CHLSN: variants seen among roughly 807,000 people sequenced by gnomAD.
The protein encoded by CHLSN is protein cholesin.
At chr7:1,131,296 C>A in the CHLSN span, among the ~76,000 whole-genome samples, 1 of 151,848 alleles carries the variant, frequency 6.6e-6, no homozygotes, top group African/African-American at 2.4e-5. Flanking sequence ...GCATTGAGCC[C>A]ACCTAGGGCC....
chr7:978,915 G>A, the CHLSN span, among the ~76,000 whole-genome samples: 5 of 152,248 alleles, frequency 3.3e-5, no homozygotes, highest in Non-Finnish European at 7.3e-5. Flanking sequence ...ACTCACGATG[G>A]CACACGTGGC....
chr7:1,112,104 C>G, the CHLSN span, among the ~76,000 whole-genome samples: 1 of 152,192 alleles, frequency 6.6e-6, no homozygotes, highest in Non-Finnish European at 1.5e-5. Context: ...AGAAGCAGCG[C>G]TGGCAAACAT....
the CHLSN span, among the ~76,000 whole-genome samples, chr7:1,071,788 G>A: frequency 6.6e-6 from 1 of 152,232 alleles, no homozygotes; most frequent in East Asian, 1.9e-4. Flanking sequence ...GGAATGGCAT[G>A]CCTGCGGGCG....
At chr7:1,026,481 G>A in the CHLSN span, 1 of 152,230 alleles carries the variant, frequency 6.6e-6, no homozygotes, top group Non-Finnish European at 1.5e-5. Context: ...GGAAGCCACC[G>A]CTAACTAGCA....
the CHLSN span, among the ~76,000 whole-genome samples, chr7:1,020,716 G>T: frequency 1.3e-5 from 2 of 152,314 alleles, no homozygotes; most frequent in South Asian, 4.1e-4. Context: ...GTTCACCTCT[G>T]ATCTCAGGGG....
the CHLSN span, among the ~76,000 whole-genome samples, chr7:1,007,332 C>A: frequency 6.6e-6 from 1 of 152,228 alleles, no homozygotes; most frequent in Non-Finnish European, 1.5e-5. Flanking sequence ...AGGGGGAGGA[C>A]AACTCGGGCA....
chr7:1,093,142 G>A, the CHLSN span: 5 of 616,832 alleles, frequency 8.1e-6, no homozygotes, highest in Admixed American at 2.1e-5. Context: ...GCTCCTCCCC[G>A]CCAACCCTGC....
the CHLSN span, among the ~76,000 whole-genome samples, chr7:1,117,777 C>G: frequency 6.6e-6 from 1 of 151,958 alleles, no homozygotes; most frequent in African/African-American, 2.4e-5. Flanking sequence ...ATCACCGACG[C>G]CCACGCAGCA....
the CHLSN span, among the ~76,000 whole-genome samples, chr7:1,090,441 C>A: frequency 6.6e-6 from 1 of 151,430 alleles, no homozygotes; most frequent in African/African-American, 2.4e-5. Context: ...GGTGACAGGA[C>A]CTCCCCACTC....
chr7:1,091,536 G>A, the CHLSN span: 1 of 580,954 alleles, frequency 1.7e-6, no homozygotes, highest in Non-Finnish European at 3.1e-6. Context: ...AGGAGCATCT[G>A]TTCTTCCCAC....
At chr7:1,126,249 T>A in the CHLSN span, among the ~76,000 whole-genome samples, 2 of 145,172 alleles carry the variant, frequency 1.4e-5, no homozygotes, top group Admixed American at 1.5e-4. Flanking sequence ...TAGTCCCAGC[T>A]ACTCAGGAGG....
At chr7:985,861 C>T in the CHLSN span, among the ~76,000 whole-genome samples, 2 of 152,226 alleles carry the variant, frequency 1.3e-5, no homozygotes, top group African/African-American at 2.4e-5. Flanking sequence ...CCAGAGACCA[C>T]GGGTCCTAGT....
the CHLSN span, among the ~76,000 whole-genome samples, chr7:1,042,423 C>A: frequency 6.6e-6 from 1 of 152,324 alleles, no homozygotes; most frequent in Non-Finnish European, 1.5e-5. Context: ...CCCTTCCCCC[C>A]ACCAACTGAG....
At chr7:988,201 GA>G in the CHLSN span, 1 of 1,477,796 alleles carries the variant, frequency 6.8e-7, no homozygotes, top group Non-Finnish European at 9.1e-7. Context: ...CTACATCCTG[GA>G]ATGAAACTTC....
chr7:1,070,620 A>G, the CHLSN span, among the ~76,000 whole-genome samples: 2 of 141,816 alleles, frequency 1.4e-5, no homozygotes, highest in African/African-American at 2.6e-5. Flanking sequence ...GCATGCACAC[A>G]CGCACACAAC....
chr7:1,099,872 G>A, the CHLSN span, among the ~76,000 whole-genome samples: 4 of 152,196 alleles, frequency 2.6e-5, no homozygotes, highest in African/African-American at 9.6e-5. Context: ...TTCAGGCCAC[G>A]GTGCAGCAGA....
the CHLSN span, among the ~76,000 whole-genome samples, chr7:1,029,721 T>G: frequency 1.3e-5 from 2 of 152,160 alleles, no homozygotes; most frequent in Non-Finnish European, 2.9e-5. Context: ...GGGGCCCTGC[T>G]CTGGAGGCCA....
chr7:984,609 G>A, the CHLSN span: 1 of 1,540,648 alleles, frequency 6.5e-7, no homozygotes, highest in African/African-American at 1.4e-5. Flanking sequence ...GGCCTACTGG[G>A]TGTGGGGGCA....
At chr7:1,062,557 G>A in the CHLSN span, among the ~76,000 whole-genome samples, 6 of 152,118 alleles carry the variant, frequency 3.9e-5, no homozygotes, top group Non-Finnish European at 8.8e-5. Flanking sequence ...AGTAAGCCAC[G>A]CGGGCTGAAG....
Sources: gnomAD v4.1 joint callset for allele counts (sites outside exome capture counted in the v4.1 genomes callset) on GRCh38, gnomAD v4.1.1 for gene constraint, MANE v1.5 for transcripts, NCBI Gene and HGNC (gene_info 2026-07-23, HGNC 2026-07-21) for gene names.